The following TET1 variants were observed in gnomAD, a reference collection of about 807,000 sequenced individuals.
TET1 encodes the protein tet methylcytosine dioxygenase 1, also known as methylcytosine dioxygenase TET1.
In TET1, 13 loss-of-function variants were observed where a neutral mutation model predicts 148.7. The ratio of observed to expected loss-of-function variants is 0.09; its 90% CI spans 0.06 to 0.14. TET1 has a LOEUF of 0.14. Ranked by LOEUF, TET1 falls within the 10% of genes least tolerant of loss-of-function variation. TET1 has a pLI of 1.00. For missense variants in TET1, 2,182 were observed against 2,553.8 expected (o/e 0.85, Z 3.14); for synonymous variants, 907 against 937.2 (o/e 0.97, Z 0.59).
intron 1 of TET1, 108 bp from the exon 2 acceptor site, chr10:68,572,109 C>A (rs1044680827): frequency 4.5e-6 from 2 of 445,128 alleles, no homozygotes; most frequent in South Asian, 3.0e-5. Flanking sequence ...CAGAATGAGA[C>A]CCTGTCTCAA....
At chr10:68,625,221 C>T (rs147869038) in intron 3 of TET1, among the ~76,000 whole-genome samples, 1 of 152,340 alleles carries the variant, frequency 6.6e-6, no homozygotes, top group African/African-American at 2.4e-5. Context: ...CCGCTCCTGG[C>T]AAGGGTCCTT....
chr10:68,686,549 A>G lies in TET1; in HGVS notation c.5246A>G (p.Gln1749Arg). The G allele has an allele frequency of 6.2e-7, 1 of 1,614,218 alleles. No individual in the cohort carries two copies. Among genetic ancestry groups the G allele is most frequent in the South Asian group, 1.1e-5 (1 of 91,088 alleles). Reference protein sequence around the residue: ...PRRKKRTCFTQPVPRSGKKRA... With the variant: ...PRRKKRTCFTRPVPRSGKKRA... ...CGCAAAAAAAGAACGTGTTTCACTC[A>G]GCCTGTTCCCCGTTCTGGAAAGAAG... is the stretch of plus-strand genomic sequence containing the variant. Residue 1749 changes from glutamine to arginine, a missense_variant, in exon 11 of 12, where the codon CAG (glutamine) becomes CGG (arginine). Physicochemically the swap from Gln to Arg is conservative, Grantham distance 43. Transcript: ENST00000373644.
At chr10:68,623,393 A>C (rs2054404103) in intron 3 of TET1, among the ~76,000 whole-genome samples, 1 of 152,182 alleles carries the variant, frequency 6.6e-6, no homozygotes, top group Non-Finnish European at 1.5e-5. Flanking sequence ...GGACTGTTGG[A>C]TAGAAGGGAG....
At chr10:68,620,612 C>T (rs2054356656) in intron 3 of TET1, among the ~76,000 whole-genome samples, 1 of 150,914 alleles carries the variant, frequency 6.6e-6, no homozygotes, top group African/African-American at 2.4e-5. Context: ...TTTTTAACTA[C>T]TATGAAGAAT....
chr10:68,594,935 C>T (rs1252556525), intron 2 of TET1, among the ~76,000 whole-genome samples: 1 of 148,802 alleles, frequency 6.7e-6, no homozygotes, highest in Non-Finnish European at 1.5e-5. Context: ...GCAGAGATCT[C>T]GCCATTGCAC....
At chr10:68,626,437 G>A (rs898468071) in intron 3 of TET1, among the ~76,000 whole-genome samples, 2 of 152,072 alleles carry the variant, frequency 1.3e-5, no homozygotes, top group African/African-American at 4.8e-5. Flanking sequence ...CTGGCCTCAA[G>A]GGATCCTCCT....
intron 2 of TET1, among the ~76,000 whole-genome samples, chr10:68,574,793 C>T (rs7911579): frequency 0.16 from 23,587 of 152,118 alleles, 1,995 homozygotes; most frequent in South Asian, 0.24. Flanking sequence ...TGAGTGATTT[C>T]TACCTGCTCT....
At chr10:68,677,397 AAAC>A (rs986236424) in intron 8 of TET1, among the ~76,000 whole-genome samples, 8 of 152,198 alleles carry the variant, frequency 5.3e-5, no homozygotes, top group South Asian at 2.1e-4. Flanking sequence ...TAATGTAAAG[AAAC>A]AACAACAACA....
chr10:68,668,625 G>A (rs1249043217), intron 7 of TET1, among the ~76,000 whole-genome samples: 1 of 152,190 alleles, frequency 6.6e-6, no homozygotes, highest in Admixed American at 6.5e-5. Context: ...CTGTCACCAG[G>A]CTGGAGTGCG....
At chr10:68,652,472 AC>A (rs1390732479) in intron 5 of TET1, 28 bp from the exon 6 acceptor site, 7 of 1,518,880 alleles carry the variant, frequency 4.6e-6, no homozygotes, top group Non-Finnish European at 6.3e-6. Flanking sequence ...ATTAATTAGT[AC>A]ATTCCCTTCA....
At chr10:68,570,526 G>A (rs921896983) in intron 1 of TET1, among the ~76,000 whole-genome samples, 1 of 151,936 alleles carries the variant, frequency 6.6e-6, no homozygotes, top group South Asian at 2.1e-4. Flanking sequence ...TCAGATATTT[G>A]GTTTTCTGTC....
chr10:68,675,398 A>G (rs944249139), intron 8 of TET1, among the ~76,000 whole-genome samples: 9 of 152,144 alleles, frequency 5.9e-5, no homozygotes, highest in African/African-American at 1.9e-4. Flanking sequence ...CAAACATCAA[A>G]TTTCTGGTGA....
intron 8 of TET1, among the ~76,000 whole-genome samples, chr10:68,676,009 C>A (rs1325820516): frequency 6.6e-6 from 1 of 151,682 alleles, no homozygotes; most frequent in Non-Finnish European, 1.5e-5. Flanking sequence ...GCTCCCGCCA[C>A]CATGCCTGGC....
intron 6 of TET1, among the ~76,000 whole-genome samples, chr10:68,656,885 A>G (rs72799526): frequency 0.18 from 27,607 of 151,800 alleles, 3,124 homozygotes; most frequent in African/African-American, 0.31. Flanking sequence ...AATTAGCCAG[A>G]CATGGTGGCA....
chr10:68,621,450 G>A (rs893242760), intron 3 of TET1, among the ~76,000 whole-genome samples: 1 of 152,146 alleles, frequency 6.6e-6, no homozygotes, highest in Admixed American at 6.5e-5. Context: ...TGAGCTTGGT[G>A]GCTTGCACCT....
chr10:68,676,823 T>C (rs1375374264), intron 8 of TET1, among the ~76,000 whole-genome samples: 1 of 152,200 alleles, frequency 6.6e-6, no homozygotes, highest in East Asian at 1.9e-4. Flanking sequence ...TTGTGCAAAC[T>C]TCCTACTTGA....
intron 7 of TET1, among the ~76,000 whole-genome samples, chr10:68,668,364 C>A (rs2055222699): frequency 6.6e-6 from 1 of 152,172 alleles, no homozygotes; most frequent in South Asian, 2.1e-4. Context: ...TATAATGAAA[C>A]CAATATTTTT....
chr10:68,589,249 T>C (rs963814981), intron 2 of TET1, among the ~76,000 whole-genome samples: 3 of 152,096 alleles, frequency 2.0e-5, no homozygotes, highest in African/African-American at 7.2e-5. Flanking sequence ...CAGATGACTT[T>C]GTATTTTGTC....
At chr10:68,667,708 C>T (rs2133178580) in intron 7 of TET1, among the ~76,000 whole-genome samples, 1 of 150,534 alleles carries the variant, frequency 6.6e-6, no homozygotes, top group East Asian at 1.9e-4. Flanking sequence ...TGTGCCACTG[C>T]ACTCCAGCCT....
Sources: allele counts gnomAD v4.1 joint callset (sites outside exome capture counted in the v4.1 genomes callset), GRCh38; gene constraint gnomAD v4.1.1; transcripts MANE v1.5; gene names NCBI Gene and HGNC (gene_info 2026-07-23, HGNC 2026-07-21).